The following PCDH9 variants were observed in gnomAD, a reference collection of about 807,000 sequenced individuals.
PCDH9 encodes the protein protocadherin 9.
Under a neutral mutation model 70.6 loss-of-function variants are expected in PCDH9, and 24 were observed. The ratio of observed to expected loss-of-function variants is 0.34; its 90% confidence interval spans 0.25 to 0.48. The LOEUF (loss-of-function observed/expected upper bound fraction) is 0.48. Ranked by LOEUF, PCDH9 falls within the 20% of genes least tolerant of loss-of-function variation. PCDH9 has a pLI of 0.99. For synonymous variants in PCDH9, 562 were observed against 558.5 expected, an observed-to-expected ratio of 1.01 and a Z score of -0.09; for missense variants, 1,281 against 1,503.6, an observed-to-expected ratio of 0.85 and a Z score of 2.45.
intron 4 of PCDH9, among the ~76,000 whole-genome samples, chr13:66,619,287 C>T (rs2077394388): frequency 6.6e-6 from 1 of 151,992 alleles, no homozygotes; most frequent in African/African-American, 2.4e-5. Context: ...AAACAATGAA[C>T]ACACTGTAGC....
intron 4 of PCDH9, among the ~76,000 whole-genome samples, chr13:66,388,657 G>T (rs1327360290): frequency 6.6e-6 from 1 of 152,122 alleles, no homozygotes; most frequent in Non-Finnish European, 1.5e-5. Flanking sequence ...ATAATTAGAA[G>T]TTACAAGAGT....
chr13:66,368,523 A>G (rs1253256678), intron 4 of PCDH9, among the ~76,000 whole-genome samples: 1 of 151,900 alleles, frequency 6.6e-6, no homozygotes, highest in Non-Finnish European at 1.5e-5. Flanking sequence ...AAAATTAAAT[A>G]TTATGAATTT....
chr13:66,779,849 C>CTATATATATATATATATATA (rs1185055569), intron 3 of PCDH9, among the ~76,000 whole-genome samples: 1 of 78,908 alleles, frequency 1.3e-5, no homozygotes, highest in African/African-American at 5.1e-5. Context: ...CTCTCTCTCT[C>CTATATATATATATATATATA]TATATATATA....
intron 3 of PCDH9, 61 bp from the exon 4 acceptor site, chr13:66,631,472 G>A: frequency 1.1e-6 from 1 of 947,586 alleles, no homozygotes. Flanking sequence ...CAGGCCTAGT[G>A]GAACACAAAA....
chr13:67,115,513 A>G (rs1482026694), intron 2 of PCDH9, among the ~76,000 whole-genome samples: 1 of 152,206 alleles, frequency 6.6e-6, no homozygotes, highest in Non-Finnish European at 1.5e-5. Context: ...TTCTTTTCCC[A>G]AAATAAAGGT....
chr13:66,318,892 T>C (rs540897919), intron 4 of PCDH9, among the ~76,000 whole-genome samples: 2 of 152,336 alleles, frequency 1.3e-5, no homozygotes, highest in East Asian at 3.9e-4. Context: ...TGGTGGTGAC[T>C]TCTCTGATAA....
intron 3 of PCDH9, among the ~76,000 whole-genome samples, chr13:66,640,066 C>A (rs1215669468): frequency 6.6e-6 from 1 of 152,118 alleles, no homozygotes; most frequent in East Asian, 1.9e-4. Context: ...AAGTAAGTTA[C>A]CCTTACCATA....
At chr13:66,420,923 G>T (rs1045151585) in intron 4 of PCDH9, among the ~76,000 whole-genome samples, 3 of 152,060 alleles carry the variant, frequency 2.0e-5, no homozygotes, top group Non-Finnish European at 4.4e-5. Context: ...ATGCAAGGAA[G>T]CTAAGAACCT....
At chr13:67,153,732 CTA>C (rs1304578199) in intron 2 of PCDH9, among the ~76,000 whole-genome samples, 2 of 152,276 alleles carry the variant, frequency 1.3e-5, no homozygotes, top group African/African-American at 4.8e-5. Flanking sequence ...ACCCTCTTTG[CTA>C]ACTTAGAGGT....
intron 3 of PCDH9, among the ~76,000 whole-genome samples, chr13:66,765,825 AG>A (rs1278767787): frequency 6.6e-6 from 1 of 152,038 alleles, no homozygotes; most frequent in East Asian, 1.9e-4. Flanking sequence ...TGTCTTACAA[AG>A]GATTGTGCAG....
At chr13:67,192,123 T>C (rs1642151933) in intron 2 of PCDH9, among the ~76,000 whole-genome samples, 1 of 152,062 alleles carries the variant, frequency 6.6e-6, no homozygotes, top group African/African-American at 2.4e-5. Flanking sequence ...TGAACACAGT[T>C]CCTAGTACAT....
intron 4 of PCDH9, among the ~76,000 whole-genome samples, chr13:66,625,462 A>G (rs565006431): frequency 1.7e-4 from 26 of 152,334 alleles, no homozygotes; most frequent in African/African-American, 4.8e-4. Flanking sequence ...GCAAAAAAGA[A>G]ATAATCTCTT....
chr13:66,369,609 T>C (rs1956611396), intron 4 of PCDH9, among the ~76,000 whole-genome samples: 1 of 152,136 alleles, frequency 6.6e-6, no homozygotes, highest in African/African-American at 2.4e-5. Flanking sequence ...GGTAATTTTA[T>C]GTTCCTTATT....
At chr13:66,701,454 T>C (rs2078647495) in intron 3 of PCDH9, among the ~76,000 whole-genome samples, 1 of 152,204 alleles carries the variant, frequency 6.6e-6, no homozygotes, top group African/African-American at 2.4e-5. Flanking sequence ...TATACACATA[T>C]ATGTGTACAC....
intron 2 of PCDH9, among the ~76,000 whole-genome samples, chr13:67,014,479 A>G (rs1362674710): frequency 2.0e-5 from 3 of 152,132 alleles, no homozygotes; most frequent in African/African-American, 4.8e-5. Flanking sequence ...TACCTGAGGT[A>G]TGATTTTCTG....
chr13:66,787,143 A>T (rs1168261955), intron 3 of PCDH9, among the ~76,000 whole-genome samples: 1 of 152,202 alleles, frequency 6.6e-6, no homozygotes, highest in Non-Finnish European at 1.5e-5. Context: ...GCAGTTAATC[A>T]CAAGACCCTC....
chr13:66,471,018 A>C lies in PCDH9; in HGVS notation c.3340+160192T>G, dbSNP rs150755979. On this transcript the variant is annotated intron_variant, in intron 4 of 4. Transcript: ENST00000377865. ...TTATTAATGCTGTTTAACTGTTAAGATCTGATTAGAATCAAGTACAGTACT... is the reference window on the plus strand; with the variant it reads ...TTATTAATGCTGTTTAACTGTTAAGCTCTGATTAGAATCAAGTACAGTACT... Among the ~76,000 whole-genome samples the C allele has an allele frequency of 2.0e-5, 3 of 151,770 alleles. No individual in the cohort carries two copies. The Admixed American group carries it at 2.0e-4, about 10-fold the overall frequency.
rs369057035 is a variant in PCDH9 at position 66,652,127 on chromosome 13, A to C, written c.3139-20716T>G. 3.3e-5 allele frequency among the ~76,000 whole-genome samples: 5 copies of C among 152,232 alleles called. No individual in the cohort carries two copies. The East Asian group carries it at 9.6e-4, about 29-fold the overall frequency. On this transcript the variant is annotated intron_variant, in intron 3 of 4. Transcript: ENST00000377865. ...ATGCCCATCTTCATCACTGTTATTCAACATATTACTGAAAATCCTAGTTAG... is the reference window on the plus strand; with the variant it reads ...ATGCCCATCTTCATCACTGTTATTCCACATATTACTGAAAATCCTAGTTAG...
chr13:67,122,528 A>T (rs936507021), intron 2 of PCDH9, among the ~76,000 whole-genome samples: 2 of 151,896 alleles, frequency 1.3e-5, no homozygotes, highest in African/African-American at 2.4e-5. Flanking sequence ...CAATCCCAGC[A>T]CTTTGGGAGG....
Sources: gnomAD v4.1 joint callset for allele counts (sites outside exome capture counted in the v4.1 genomes callset) on GRCh38, gnomAD v4.1.1 for gene constraint, MANE v1.5 for transcripts, NCBI Gene and HGNC (gene_info 2026-07-23, HGNC 2026-07-21) for gene names.